SRPK2: variants seen among roughly 807,000 people sequenced by gnomAD.
SRPK2 encodes SRSF protein kinase 2.
Under a neutral mutation model 90.8 loss-of-function variants are expected in SRPK2, and 21 were observed. The observed-to-expected ratio is 0.23, with a 90% CI of 0.16 to 0.33. The LOEUF (loss-of-function observed/expected upper bound fraction) is 0.33, where lower values mean the gene tolerates loss of function less well. Among genes scored for constraint, SRPK2 ranks in the 10% least tolerant of loss-of-function variants. The probability of loss-of-function intolerance (pLI) is 1.00; values close to 1 mark genes in which losing one functional copy is unlikely to be tolerated. For missense variants in SRPK2, 620 were observed against 869.0 expected (o/e 0.71, Z 3.60); for synonymous variants, 288 against 311.1 (o/e 0.93, Z 0.78).
chr7:105,245,678 A>T (rs921403435), intron 2 of SRPK2, among the ~76,000 whole-genome samples: 1 of 152,076 alleles, frequency 6.6e-6, no homozygotes, highest in African/African-American at 2.4e-5. Flanking sequence ...AAATGAGGAG[A>T]TAAAGTAACT....
At chr7:105,150,017 C>A (rs1404940881) in intron 7 of SRPK2, among the ~76,000 whole-genome samples, 1 of 150,896 alleles carries the variant, frequency 6.6e-6, no homozygotes. Context: ...CAATTCAGGA[C>A]AGGAAATGAG....
rs746332131 is a variant in SRPK2, at chr7:105,169,275, C to A, written c.230-10G>T. ...ACTGGATGATATCCACCTTAAAAAA[C>A]AAGAAAGAAAGAAAAAAATTCAAAA... On this transcript the variant is annotated splice_polypyrimidine_tract_variant and intron_variant, in intron 3 of 15. Coordinates refer to ENST00000393651, the MANE Select transcript of SRPK2 (RefSeq NM_182692.3). The A allele has an allele frequency of 9.4e-6, 15 of 1,601,836 alleles. No homozygotes were observed. Among genetic ancestry groups the A allele is most frequent in the Non-Finnish European group, 1.2e-5 (14 of 1,172,598 alleles).
chr7:105,133,579 G>A (rs1802349426), intron 11 of SRPK2, among the ~76,000 whole-genome samples: 1 of 152,174 alleles, frequency 6.6e-6, no homozygotes, highest in Non-Finnish European at 1.5e-5. Context: ...AGACATCAGG[G>A]TCCCTGGCAC....
chr7:105,197,824 T>C (rs1001877789), intron 3 of SRPK2, among the ~76,000 whole-genome samples: 3 of 152,240 alleles, frequency 2.0e-5, no homozygotes, highest in African/African-American at 7.2e-5. Context: ...CAGCTGTTGA[T>C]GTCTCCAGAA....
intron 13 of SRPK2, among the ~76,000 whole-genome samples, chr7:105,131,903 A>G (rs1802058574): frequency 6.6e-6 from 1 of 152,186 alleles, no homozygotes; most frequent in Non-Finnish European, 1.5e-5. Flanking sequence ...CGGAACGCCT[A>G]AGTAAATACC....
intron 7 of SRPK2, 138 bp from the exon 8 acceptor site, chr7:105,146,796 C>T (rs1804689467): frequency 1.2e-6 from 1 of 855,488 alleles, no homozygotes; most frequent in Non-Finnish European, 1.8e-6. Context: ...AAAAATCTCC[C>T]TCCCATGCCT....
intron 4 of SRPK2, 66 bp downstream of exon 4, chr7:105,169,091 C>T (rs1790476841): frequency 1.4e-6 from 2 of 1,413,106 alleles, no homozygotes; most frequent in Non-Finnish European, 1.0e-6. Context: ...CTCAGCCATA[C>T]CTTCTTAGAA....
upstream of SRPK2, among the ~76,000 whole-genome samples, chr7:105,391,729 A>G (rs1822188531): frequency 6.6e-6 from 1 of 152,178 alleles, no homozygotes; most frequent in African/African-American, 2.4e-5. Context: ...GAACCCTCAT[A>G]TGTTGGAAAC....
chr7:105,211,569 G>A (rs188340846), intron 2 of SRPK2, among the ~76,000 whole-genome samples: 98 of 152,016 alleles, frequency 6.4e-4, no homozygotes, highest in Non-Finnish European at 1.2e-3. Flanking sequence ...GAGAGTGAGG[G>A]GGGAGGTGCT....
At position 105,117,843 on chromosome 7, in the gene SRPK2, A is replaced by G. The variant is rs1799778812; in HGVS notation, c.2095T>C (p.Ser699Pro). The G allele has an allele frequency of 1.2e-6, 2 of 1,612,496 alleles. No individual in the cohort carries two copies. The highest frequency in any genetic ancestry group is 4.3e-4 in the Middle Eastern group (2 of 4,642). Reference sequence around the variant, plus strand: ...TGCAATATTGGTAGAATTTGCTAAGAATTCAACCAAGGATGCCGAAGGCAT... The same window carrying G: ...TGCAATATTGGTAGAATTTGCTAAGGATTCAACCAAGGATGCCGAAGGCAT... ...GECLRHPWLN[S>P] The change falls in exon 16 of 16, where the codon TCT becomes CCT. Residue 699 changes from serine (S) to proline (P), a missense_variant. By Grantham distance (74) the Ser-to-Pro change is moderately conservative (BLOSUM62 -1). Transcript: ENST00000393651.
intron 2 of SRPK2, among the ~76,000 whole-genome samples, chr7:105,319,208 G>A (rs1342676117): frequency 6.6e-6 from 1 of 152,014 alleles, no homozygotes; most frequent in African/African-American, 2.4e-5. Context: ...AATTCTACAC[G>A]TTAATCAAGG....
intron 2 of SRPK2, among the ~76,000 whole-genome samples, chr7:105,323,639 A>G (rs1211933941): frequency 6.6e-6 from 1 of 152,208 alleles, no homozygotes; most frequent in Non-Finnish European, 1.5e-5. Context: ...CTCAGCACCA[A>G]AGTGTACTAG....
At chr7:105,258,857 C>G (rs1267530839) in intron 2 of SRPK2, among the ~76,000 whole-genome samples, 1 of 152,182 alleles carries the variant, frequency 6.6e-6, no homozygotes, top group Non-Finnish European at 1.5e-5. Flanking sequence ...TAAAAACGCT[C>G]AGTAAACTAG....
intron 2 of SRPK2, among the ~76,000 whole-genome samples, chr7:105,366,704 T>C (rs1446595148): frequency 6.6e-6 from 1 of 152,194 alleles, no homozygotes; most frequent in Non-Finnish European, 1.5e-5. Flanking sequence ...TGCACCCACA[T>C]AAAAGCTGCA....
chr7:105,268,955 C>A, intron 2 of SRPK2: 1 of 1,459,756 alleles, frequency 6.9e-7, no homozygotes, highest in East Asian at 2.5e-5. Context: ...TCTCTAATCC[C>A]TTTTGTTCAG....
chr7:105,203,073 C>A (rs1280401241), intron 3 of SRPK2, among the ~76,000 whole-genome samples: 1 of 152,196 alleles, frequency 6.6e-6, no homozygotes, highest in African/African-American at 2.4e-5. Context: ...ACTGAAACCT[C>A]TGCCTCCTGG....
At chr7:105,255,621 T>C (rs1803163039) in intron 2 of SRPK2, among the ~76,000 whole-genome samples, 1 of 152,176 alleles carries the variant, frequency 6.6e-6, no homozygotes, top group Admixed American at 6.5e-5. Context: ...AACAAATCAA[T>C]GATATCCAAG....
chr7:105,352,047 TAA>T (rs1817258257), intron 2 of SRPK2, among the ~76,000 whole-genome samples: 1 of 151,886 alleles, frequency 6.6e-6, no homozygotes, highest in Non-Finnish European at 1.5e-5. Context: ...CTAGAGAAAA[TAA>T]GAGATTCAGG....
At chr7:105,301,737 T>A in intron 2 of SRPK2, 1 of 1,606,236 alleles carries the variant, frequency 6.2e-7, no homozygotes, top group Non-Finnish European at 8.5e-7. Context: ...CAACACCGTA[T>A]CATCAGCTGT....
Sources: gnomAD v4.1 joint callset for allele counts (sites outside exome capture counted in the v4.1 genomes callset) on GRCh38, gnomAD v4.1.1 for gene constraint, MANE v1.5 for transcripts, NCBI Gene and HGNC (gene_info 2026-07-23, HGNC 2026-07-21) for gene names.